Variants in DNAH11 observed in about 807,000 individuals in gnomAD.
DNAH11 encodes dynein axonemal heavy chain 11.
Under a neutral mutation model 526.0 loss-of-function variants are expected in DNAH11, and 442 were observed. That is an observed-to-expected ratio of 0.84 (90% CI 0.78 to 0.91). The LOEUF is 0.91. DNAH11 is among the 40% of genes least tolerant of loss of function. The probability of loss-of-function intolerance (pLI) is 0.00; values close to 1 mark genes in which losing one functional copy is unlikely to be tolerated. For missense variants in DNAH11, 6,989 were observed against 5,448.7 expected (o/e 1.28, Z -8.90); for synonymous variants, 2,461 against 1,935.9 (o/e 1.27, Z -7.12).
rs557184405 is a variant in DNAH11, at chr7:21,721,558, C to G, written c.7266+702C>G. 7.9e-5 allele frequency among the ~76,000 whole-genome samples: 12 copies of G among 152,338 alleles called. No homozygotes were observed. The South Asian group carries it at 2.3e-3, about 29-fold the overall frequency. On this transcript the variant is annotated intron_variant, in intron 44 of 81. Transcript: ENST00000409508. ...ATGGTTGAGTTCCAGCAAGGACTCT[C>G]TTCCCACCTTTCAGACCGCCACTTT...
At chr7:21,841,649 C>G (rs1230408146) in intron 65 of DNAH11, among the ~76,000 whole-genome samples, 5 of 152,174 alleles carry the variant, frequency 3.3e-5, no homozygotes, top group African/African-American at 1.2e-4. Context: ...ACATCCTGTC[C>G]AGGGCTGGTT....
At chr7:21,744,770 G>A (rs1039000647) in intron 50 of DNAH11, 100 bp from the exon 51 acceptor site, 20 of 1,436,786 alleles carry the variant, frequency 1.4e-5, no homozygotes, top group Non-Finnish European at 1.9e-5. Context: ...ACCTACCCAT[G>A]TGTGGGTCTG....
intron 8 of DNAH11, among the ~76,000 whole-genome samples, chr7:21,578,020 T>C (rs1267823341): frequency 6.6e-6 from 1 of 152,088 alleles, no homozygotes; most frequent in Non-Finnish European, 1.5e-5. Context: ...AAAGCATAAC[T>C]GGGAGGCCTC....
Position 21,698,115 on chromosome 7 carries a change from G to A in DNAH11, c.6082G>A (p.Glu2028Lys), listed in dbSNP as rs778499951. ...GGCCCCTGACATTGAGCTAATCTGT[G>A]AAATCTTGTTAGTTGCTGAAGGTTT... is the stretch of plus-strand genomic sequence containing the variant. ...MVAPDIELIC[E>K]ILLVAEGFVD... Residue 2028 changes from glutamate to lysine, a missense_variant, in exon 36 of 82, where the codon GAA (glutamate) becomes AAA (lysine). Coordinates refer to ENST00000409508, the MANE Select transcript of DNAH11 (RefSeq NM_001277115.2). 6 of 1,613,504 alleles carry A rather than the reference G, an allele frequency of 3.7e-6. No individual in the cohort carries two copies. The highest frequency in any genetic ancestry group is 5.1e-6 in the Non-Finnish European group (6 of 1,179,696).
In DNAH11 at chr7:21,807,927, G is replaced by C. The variant is rs1357396400; in HGVS notation, c.10210G>C (p.Glu3404Gln). 2 of 1,609,254 alleles carry C rather than the reference G, an allele frequency of 1.2e-6. No individual in the cohort carries two copies. Among genetic ancestry groups the C allele is most frequent in the African/African-American group, 1.3e-5 (1 of 74,848 alleles). The change falls in exon 63 of 82, where the codon GAG becomes CAG. Residue 3404 changes from glutamate to glutamine, a missense_variant. Glu to Gln is a conservative substitution (Grantham distance 29). Coordinates refer to ENST00000409508, the MANE Select transcript of DNAH11 (RefSeq NM_001277115.2). Reference sequence around the variant, plus strand: ...ATCCATTAAGTCCTTTGAAGCTCAAGAGAAGACACTCTGTGGAGATGTTCT... The same window carrying C: ...ATCCATTAAGTCCTTTGAAGCTCAACAGAAGACACTCTGTGGAGATGTTCT... ...GQSIKSFEAQEKTLCGDVLLT... is the reference protein window; with the variant it reads ...GQSIKSFEAQQKTLCGDVLLT...
intron 30 of DNAH11, among the ~76,000 whole-genome samples, chr7:21,660,687 C>G (rs1209889131): frequency 7.0e-6 from 1 of 143,612 alleles, no homozygotes; most frequent in Non-Finnish European, 1.5e-5. Context: ...TATCTTTTGT[C>G]TGTCTTTATG....
intron 58 of DNAH11, 80 bp downstream of exon 58, chr7:21,784,620 G>C (rs1213630656): frequency 2.9e-6 from 3 of 1,017,010 alleles, no homozygotes; most frequent in African/African-American, 1.6e-5. Flanking sequence ...TGAGCTGAGA[G>C]AGTAGCCCAT....
At chr7:21,559,477 A>G in intron 3 of DNAH11, 126 bp from the exon 4 acceptor site, 2 of 795,812 alleles carry the variant, frequency 2.5e-6, no homozygotes, top group Non-Finnish European at 3.9e-6. Flanking sequence ...GACCATAAAA[A>G]TAATGGATTT....
chr7:21,702,620 C>G (rs1307546080), intron 36 of DNAH11, 90 bp from the exon 37 acceptor site: 4 of 1,016,200 alleles, frequency 3.9e-6, no homozygotes, highest in Non-Finnish European at 4.5e-6. Flanking sequence ...TATCTGAACT[C>G]CTTCTTAAAA....
At position 21,640,181 on chromosome 7, in the gene DNAH11, A is replaced by G. The variant is rs556609533; in HGVS notation, c.4944+1116A>G. On this transcript the variant is annotated intron_variant, in intron 28 of 81. Transcript: ENST00000409508. ...CATGCTAATTTCCAGATGGCTTTGC[A>G]AATAAAATCTGTGATTAAATTGACT... Among the ~76,000 whole-genome samples the G allele has an allele frequency of 5.9e-5, 9 of 152,360 alleles. No individual in the cohort carries two copies. In the East Asian group the frequency reaches 1.5e-3, roughly 26 times the overall value.
At chr7:21,581,721 A>C (rs529399242) in intron 8 of DNAH11, among the ~76,000 whole-genome samples, 184 bp from the exon 9 acceptor site, 1 of 152,042 alleles carries the variant, frequency 6.6e-6, no homozygotes. Context: ...GTAAGGTGGC[A>C]CTTGCACAGT....
chr7:21,600,928 C>A lies in DNAH11; in HGVS notation c.3253C>A (p.Gln1085Lys), dbSNP rs1562691736. Residue 1085 changes from glutamine to lysine, a missense_variant and splice_region_variant, in exon 16 of 82, where the codon CAG (glutamine) becomes AAG (lysine). By Grantham distance (53) the Gln-to-Lys change is moderately conservative. Transcript: ENST00000409508. ...QPPTLEQFKE[Q>K]IDIYEALYVQ... is the part of the protein sequence containing the mutation. Reference sequence around the variant, plus strand: ...ACCAACTCTTGAGCAATTCAAAGAACAGGCAAGGAAAACCCTTAGCATTTA... The same window carrying A: ...ACCAACTCTTGAGCAATTCAAAGAAAAGGCAAGGAAAACCCTTAGCATTTA... 2 of 1,613,468 alleles carry A rather than the reference C, an allele frequency of 1.2e-6. No individual in the cohort carries two copies.
intron 25 of DNAH11, among the ~76,000 whole-genome samples, chr7:21,629,886 C>T (rs1346403378): frequency 6.6e-6 from 1 of 152,002 alleles, no homozygotes; most frequent in African/African-American, 2.4e-5. Flanking sequence ...CCACTTTATG[C>T]ATTTAATTGG....
intron 79 of DNAH11, among the ~76,000 whole-genome samples, chr7:21,898,877 C>A (rs75439933): frequency 6.6e-6 from 1 of 152,166 alleles, no homozygotes; most frequent in Admixed American, 6.5e-5. Context: ...CCACTGCCTC[C>A]GCACATGCTG....
intron 65 of DNAH11, among the ~76,000 whole-genome samples, chr7:21,822,423 C>T (rs1272296462): frequency 6.6e-6 from 1 of 152,114 alleles, no homozygotes; most frequent in South Asian, 2.1e-4. Flanking sequence ...GAGATCTGCC[C>T]CCATGACCCA....
chr7:21,803,195 C>G (rs945121009), intron 62 of DNAH11, among the ~76,000 whole-genome samples: 22 of 152,068 alleles, frequency 1.4e-4, no homozygotes, highest in Non-Finnish European at 2.6e-4. Flanking sequence ...TGTAACTGCA[C>G]TATTAGAAAT....
intron 2 of DNAH11, among the ~76,000 whole-genome samples, chr7:21,553,344 C>T (rs1466937039): frequency 2.0e-5 from 3 of 151,954 alleles, no homozygotes; most frequent in African/African-American, 7.3e-5. Context: ...TGTTTTGGTC[C>T]CAATCTAATT....
Position 21,899,837 on chromosome 7 carries a change from C to G in DNAH11, c.13163-143C>G, listed in dbSNP as rs72658830. 3,415 of 1,005,526 alleles carry G rather than the reference C, an allele frequency of 3.4e-3. 16 individuals carry two copies. The highest frequency in any genetic ancestry group is 4.4e-3 in the Non-Finnish European group (3,045 of 698,274). 62.3% of individuals were successfully genotyped at this position (1,005,526 alleles called of 1,614,324 possible). Reference sequence around the variant, plus strand: ...TCCTGCAGGCCTTAGTTGGCCAACCCCCTGCTCCAGCGCAGCCATGTGCCA... The same window carrying G: ...TCCTGCAGGCCTTAGTTGGCCAACCGCCTGCTCCAGCGCAGCCATGTGCCA... On this transcript the variant is annotated intron_variant, in intron 80 of 81. Transcript: ENST00000409508.
chr7:21,680,795 T>A (rs1783106375), intron 30 of DNAH11, among the ~76,000 whole-genome samples: 1 of 152,256 alleles, frequency 6.6e-6, no homozygotes, highest in South Asian at 2.1e-4. Context: ...TCAGTAGTCA[T>A]CACTATCTTG....
Sources: gnomAD v4.1 joint callset for allele counts (sites outside exome capture counted in the v4.1 genomes callset) on GRCh38, gnomAD v4.1.1 for gene constraint, MANE v1.5 for transcripts, NCBI Gene and HGNC (gene_info 2026-07-23, HGNC 2026-07-21) for gene names.